Variants in FAF2 observed in about 807,000 individuals in gnomAD.
FAF2 encodes Fas associated factor family member 2.
A neutral mutation model predicts 62.3 loss-of-function variants in FAF2; 9 were observed. The ratio of observed to expected loss-of-function variants is 0.14; its 90% confidence interval spans 0.09 to 0.25. The LOEUF (loss-of-function observed/expected upper bound fraction) is 0.25. FAF2 is among the 10% of genes least tolerant of loss of function. The pLI, the probability that FAF2 is intolerant of heterozygous loss-of-function variation, is 1.00. For synonymous variants in FAF2, 202 were observed against 198.0 expected (o/e 1.02, Z -0.17); for missense variants, 368 against 556.2 (o/e 0.66, Z 3.40).
chr5:176,470,928 T>A (rs917141440), intron 1 of FAF2, among the ~76,000 whole-genome samples: 1 of 152,216 alleles, frequency 6.6e-6, no homozygotes, highest in Non-Finnish European at 1.5e-5. Context: ...CAATGAGGGA[T>A]TATATATCTC....
At chr5:176,470,454 G>A (rs1322922673) in intron 1 of FAF2, among the ~76,000 whole-genome samples, 1 of 152,258 alleles carries the variant, frequency 6.6e-6, no homozygotes, top group Non-Finnish European at 1.5e-5. Flanking sequence ...GCGCATGCCT[G>A]TAATGCCAGC....
chr5:176,470,741 A>G (rs1422449067), intron 1 of FAF2, among the ~76,000 whole-genome samples: 1 of 152,248 alleles, frequency 6.6e-6, no homozygotes, highest in African/African-American at 2.4e-5. Flanking sequence ...TCAGCACACT[A>G]GCTTACTTTG....
chr5:176,502,824 C>T (rs555633719), intron 10 of FAF2, among the ~76,000 whole-genome samples: 48 of 152,006 alleles, frequency 3.2e-4, no homozygotes, highest in African/African-American at 1.1e-3. Context: ...CCGAGGCAGG[C>T]GGATCACAAG....
intron 1 of FAF2, among the ~76,000 whole-genome samples, chr5:176,467,013 A>T (rs1758479421): frequency 6.6e-6 from 1 of 151,640 alleles, no homozygotes; most frequent in African/African-American, 2.4e-5. Flanking sequence ...AAGTCAGTTT[A>T]TGGAAGGGGA....
intron 5 of FAF2, 54 bp from the exon 6 acceptor site, chr5:176,493,945 T>C (rs974320440): frequency 8.0e-7 from 1 of 1,256,652 alleles, no homozygotes; most frequent in South Asian, 1.3e-5. Context: ...TTAGCTTAAA[T>C]ATAAGCTCAA....
intron 10 of FAF2, among the ~76,000 whole-genome samples, chr5:176,505,206 G>C (rs1186859695): frequency 1.3e-5 from 2 of 152,176 alleles, no homozygotes; most frequent in Admixed American, 6.6e-5. Context: ...CTTTGGGGTT[G>C]ATCTGAATGA....
chr5:176,454,626 C>T (rs1758249299), intron 1 of FAF2, among the ~76,000 whole-genome samples: 1 of 144,202 alleles, frequency 6.9e-6, no homozygotes, highest in Admixed American at 7.1e-5. Context: ...ATAATACATG[C>T]TTGTTGGAAG....
chr5:176,498,778 T>C (rs1386645328), intron 8 of FAF2, 136 bp from the exon 9 acceptor site: 3 of 751,168 alleles, frequency 4.0e-6, no homozygotes, highest in Admixed American at 3.8e-5. Flanking sequence ...GAATCCCTTA[T>C]GGCAGTGTGA....
chr5:176,498,214 A>G (rs768243957), intron 8 of FAF2, among the ~76,000 whole-genome samples: 4 of 152,246 alleles, frequency 2.6e-5, no homozygotes, highest in Non-Finnish European at 5.9e-5. Context: ...AGAACAGGAA[A>G]CTTTCCGAGG....
intron 1 of FAF2, among the ~76,000 whole-genome samples, chr5:176,454,396 A>G (rs1357904437): frequency 6.6e-6 from 1 of 151,826 alleles, no homozygotes. Context: ...TCCGTCTCAA[A>G]ATAAATAAAT....
chr5:176,463,023 A>G (rs1258449174), intron 1 of FAF2, among the ~76,000 whole-genome samples: 1 of 152,190 alleles, frequency 6.6e-6, no homozygotes, highest in East Asian at 1.9e-4. Flanking sequence ...AAGGTTGAAT[A>G]TAGCCAACAT....
At position 176,481,797 on chromosome 5, in the gene FAF2, G is replaced by A. The variant is rs142853771; in HGVS notation, c.132+2541G>A. 5.3e-4 allele frequency among the ~76,000 whole-genome samples: 80 copies of A among 152,180 alleles called. No homozygotes were observed. In the East Asian group the frequency reaches 0.015, roughly 28 times the overall value. ...CAGCTTCAAGTAGATGGGACTACAGGCCCACGCTACCACACCGGGCCCTAG... is the reference window on the plus strand; with the variant it reads ...CAGCTTCAAGTAGATGGGACTACAGACCCACGCTACCACACCGGGCCCTAG... On this transcript the variant is annotated intron_variant, in intron 2 of 10. Transcript: ENST00000261942.
intron 10 of FAF2, among the ~76,000 whole-genome samples, chr5:176,504,555 A>T (rs1755646279): frequency 6.6e-6 from 1 of 151,360 alleles, no homozygotes; most frequent in Admixed American, 6.6e-5. Context: ...CTGCACTCCA[A>T]CCTGGGCAAC....
chr5:176,493,440 T>G (rs754350), intron 5 of FAF2, among the ~76,000 whole-genome samples: 75,745 of 152,134 alleles, frequency 0.5, 18,925 homozygotes, highest in Non-Finnish European at 0.52. Context: ...AGCACGCACA[T>G]GCAGGAGCAC....
chr5:176,461,018 CTT>C (rs70991553), intron 1 of FAF2, among the ~76,000 whole-genome samples: 21 of 146,168 alleles, frequency 1.4e-4, no homozygotes, highest in East Asian at 4.0e-4. Context: ...TTTTTCTTCT[CTT>C]TTTTTTTTTT....
chr5:176,486,274 C>T, intron 2 of FAF2, 81 bp from the exon 3 acceptor site: 1 of 1,558,396 alleles, frequency 6.4e-7, no homozygotes, highest in East Asian at 2.3e-5. Flanking sequence ...TTTTGGAATA[C>T]CACGCAATAG....
At chr5:176,495,551 A>G (rs1759045051) in intron 7 of FAF2, among the ~76,000 whole-genome samples, 1 of 143,316 alleles carries the variant, frequency 7.0e-6, no homozygotes. Flanking sequence ...TTACTCTGTC[A>G]CCCAGGTTGG....
chr5:176,459,143 G>A (rs1175473316), intron 1 of FAF2, among the ~76,000 whole-genome samples: 1 of 150,738 alleles, frequency 6.6e-6, no homozygotes, highest in Non-Finnish European at 1.5e-5. Flanking sequence ...ATCCCAAAGA[G>A]TTTTTTGTTG....
In FAF2 at chr5:176,507,177, G is replaced by A. The variant is rs771668152; in HGVS notation, c.*227G>A. 1.9e-5 allele frequency: 7 copies of A among 362,446 alleles called. No individual in the cohort carries two copies. Among genetic ancestry groups the A allele is most frequent in the African/African-American group, 6.4e-5 (3 of 46,652 alleles). The allele number at this position is 362,446 out of a possible 1,614,324, so 22.5% of individuals were successfully genotyped here. ...TGTGCGCGCAAGGTTAGCAACAAAC[G>A]TACCCGCTTGGCAAGCCCACCCTTC... is the stretch of plus-strand genomic sequence containing the variant. On this transcript the variant is annotated 3_prime_UTR_variant, in exon 11 of 11. Coordinates refer to ENST00000261942, the MANE Select transcript of FAF2 (RefSeq NM_014613.3).
Sources: allele counts gnomAD v4.1 joint callset (sites outside exome capture counted in the v4.1 genomes callset), GRCh38; gene constraint gnomAD v4.1.1; transcripts MANE v1.5; gene names NCBI Gene and HGNC (gene_info 2026-07-23, HGNC 2026-07-21).